Variants in NDUFS1 observed in about 807,000 individuals in gnomAD.
NDUFS1 encodes NADH:ubiquinone oxidoreductase core subunit S1.
Under a neutral mutation model 84.4 loss-of-function variants are expected in NDUFS1, and 61 were observed. The observed-to-expected ratio is 0.72, with a 90% CI of 0.59 to 0.89. The LOEUF (loss-of-function observed/expected upper bound fraction) is 0.89, where lower values mean the gene tolerates loss of function less well. NDUFS1 is among the 40% of genes least tolerant of loss of function. The pLI is 0.00. For synonymous variants in NDUFS1, 275 were observed against 290.0 expected, an observed-to-expected ratio of 0.95 and a Z score of 0.53; for missense variants, 891 against 890.0, an observed-to-expected ratio of 1.00 and a Z score of -0.01.
Position 206,127,683 on chromosome 2 carries a change from A to G in NDUFS1, c.1884+114T>C, listed in dbSNP as rs890656199. 2.6e-6 allele frequency: 3 copies of G among 1,134,076 alleles called. No individual in the cohort carries two copies. In the African/African-American group the frequency reaches 4.6e-5, roughly 17 times the overall value. The allele number at this position is 1,134,076 out of a possible 1,614,324, so 70.3% of individuals were successfully genotyped here. On this transcript the variant is annotated intron_variant, in intron 16 of 18. Transcript: ENST00000233190. ...CATGTTTTCTATAGAAATTATTCAA[A>G]TCATCTCTGCATTTCAGACTGGCAT...
intron 8 of NDUFS1, 42 bp from the exon 9 acceptor site, chr2:206,145,068 TAAAG>T (rs768317191): frequency 1.0e-5 from 16 of 1,540,402 alleles, no homozygotes; most frequent in African/African-American, 2.8e-5. Flanking sequence ...CTTTTGGGAA[TAAAG>T]AAAGTTTCTG....
Position 206,138,630 on chromosome 2 carries a change from C to T in NDUFS1, c.1263-16G>A. The T allele has an allele frequency of 6.2e-7, 1 of 1,613,166 alleles. No homozygotes were observed. Among genetic ancestry groups the T allele is most frequent in the Non-Finnish European group, 8.5e-7 (1 of 1,179,300 alleles). ...ATGCAGCCAGCTGAAATAAAAACAA[C>T]ATTTTAAGAAGTAAATAACTAAGCT... On this transcript the variant is annotated splice_polypyrimidine_tract_variant and intron_variant, in intron 12 of 18. Transcript: ENST00000233190.
At chr2:206,133,301 T>G (rs1475126791) in intron 13 of NDUFS1, among the ~76,000 whole-genome samples, 196 bp from the exon 14 acceptor site, 13 of 152,198 alleles carry the variant, frequency 8.5e-5, no homozygotes. Context: ...AATGCTACTG[T>G]GAAATATGCC....
chr2:206,147,029 A>G lies in NDUFS1; in HGVS notation c.611T>C (p.Met204Thr), dbSNP rs148544177. 3.7e-4 allele frequency: 596 copies of G among 1,614,132 alleles called. 4 individuals carry two copies. In the African/African-American group the frequency reaches 5.1e-3, roughly 14 times the overall value. ...CTTTTCAATGTATGTGCCAACTTGC[A>G]TATCATTTCCTCTGCCTGTTGTTCC... ...DLGTTGRGND[M>T]QVGTYIEKMF... The change falls in exon 8 of 19, where the codon ATG (methionine) becomes ACG (threonine). Residue 204 changes from methionine (M) to threonine (T), a missense_variant. Met to Thr is a moderately conservative substitution (Grantham distance 81). Coordinates refer to ENST00000233190, the MANE Select transcript of NDUFS1 (RefSeq NM_005006.7).
In NDUFS1 at chr2:206,150,023, T is replaced by TTCTATCTATCTATCTA. The variant is rs3217140; in HGVS notation, c.154-114_154-99dup. On this transcript the variant is annotated intron_variant, in intron 3 of 18. Coordinates refer to ENST00000233190, the MANE Select transcript of NDUFS1 (RefSeq NM_005006.7). ...ACACACACATACAGCATCTTATTAC[T>TTCTATCTATCTATCTA]TCTATCTATCTATCTATCTATCTAT... is the stretch of plus-strand genomic sequence containing the variant. The TTCTATCTATCTATCTA allele has an allele frequency of 0.081, 55,693 of 691,328 alleles. 2,999 individuals are homozygous for TTCTATCTATCTATCTA. The highest frequency in any genetic ancestry group is 0.18 in the African/African-American group (9,334 of 52,888). 42.8% of individuals were successfully genotyped at this position (691,328 alleles called of 1,614,324 possible). A position where few individuals can be genotyped will look rare whatever the true frequency, so the allele number is the denominator to read the frequency against.
chr2:206,156,416 A>C (rs924752587), intron 1 of NDUFS1, among the ~76,000 whole-genome samples: 2 of 151,780 alleles, frequency 1.3e-5, no homozygotes, highest in African/African-American at 4.8e-5. Flanking sequence ...CTACCAAAAA[A>C]AAAAAAAAAT....
At position 206,117,923 on chromosome 2, in the gene NDUFS1, A is replaced by T. The variant is rs1690995962; in HGVS notation, c.*6262T>A. 1 of 152,232 alleles carries T rather than the reference A, an allele frequency of 6.6e-6. No individual in the cohort carries two copies. The highest frequency in any genetic ancestry group is 1.5e-5 in the Non-Finnish European group (1 of 68,040). 9.4% of individuals were successfully genotyped at this position (152,232 alleles called of 1,614,324 possible). On this transcript the variant is annotated 3_prime_UTR_variant, in exon 19 of 19. Coordinates refer to ENST00000233190, the MANE Select transcript of NDUFS1 (RefSeq NM_005006.7). ...ATTTTAAGAAGGAAATTAATAAGTT[A>T]TTCATCTCAGTATCTCTTTAGGTGC...
At chr2:206,157,690 C>T (rs1461022047) in intron 1 of NDUFS1, among the ~76,000 whole-genome samples, 2 of 152,208 alleles carry the variant, frequency 1.3e-5, no homozygotes, top group African/African-American at 4.8e-5. Flanking sequence ...TGACATCCAG[C>T]AACAAAGCAT....
chr2:206,115,943 A>G lies in NDUFS1; in HGVS notation c.*8242T>C. On this transcript the variant is annotated 3_prime_UTR_variant, in exon 19 of 19. Coordinates refer to ENST00000233190, the MANE Select transcript of NDUFS1 (RefSeq NM_005006.7). ...ACACATATTATGTTTATCTACAATC[A>G]TTAGAAAGTTAAAAGGCATCTTCTT... The G allele has an allele frequency of 1.5e-6, 1 of 665,078 alleles. No individual in the cohort carries two copies. Among genetic ancestry groups the G allele is most frequent in the South Asian group, 1.7e-5 (1 of 58,800 alleles). 41.2% of individuals were successfully genotyped at this position (665,078 alleles called of 1,614,324 possible). A position where few individuals can be genotyped will look rare whatever the true frequency, so the allele number is the denominator to read the frequency against.
In NDUFS1 at chr2:206,119,917, G is replaced by A. The variant is rs936088942; in HGVS notation, c.*4268C>T. ...TGTTGAAATGTAACCCCCAATGCTG[G>A]AGGTAGGGCCTCGTGGGAGGTATAG... On this transcript the variant is annotated 3_prime_UTR_variant, in exon 19 of 19. Coordinates refer to ENST00000233190, the MANE Select transcript of NDUFS1 (RefSeq NM_005006.7). The A allele has an allele frequency of 6.6e-6, 1 of 152,030 alleles. No individual in the cohort carries two copies. The allele number at this position is 152,030 out of a possible 1,614,324, so 9.4% of individuals were successfully genotyped here.
intron 14 of NDUFS1, among the ~76,000 whole-genome samples, chr2:206,130,821 ATTGCT>A (rs1691483847): frequency 6.6e-6 from 1 of 152,222 alleles, no homozygotes; most frequent in Non-Finnish European, 1.5e-5. Flanking sequence ...GCCAACTGTA[ATTGCT>A]TTAAGTCTGA....
Position 206,138,513 on chromosome 2 carries a change from A to C in NDUFS1, c.1364T>G (p.Ile455Ser). 6.2e-7 allele frequency: 1 copy of C among 1,614,118 alleles called. No individual in the cohort carries two copies. The highest frequency in any genetic ancestry group is 8.5e-7 in the Non-Finnish European group (1 of 1,179,950). Residue 455 changes from isoleucine (I) to serine (S), a missense_variant, in exon 13 of 19, where the codon ATT becomes AGT. Physicochemically the swap from Ile to Ser is moderately radical, Grantham distance 142. Coordinates refer to ENST00000233190, the MANE Select transcript of NDUFS1 (RefSeq NM_005006.7). ...GCTAAATGGATGGCTTCCCGAAGCA[A>C]TGTCTTGAAGAATTTTGGGGGAGTC... ...LGDSPKILQDIASGSHPFSQV... is the reference protein window; with the variant it reads ...LGDSPKILQDSASGSHPFSQV...
At chr2:206,129,621 C>T (rs568778201) in intron 15 of NDUFS1, among the ~76,000 whole-genome samples, 18 of 148,320 alleles carry the variant, frequency 1.2e-4, no homozygotes, top group African/African-American at 4.2e-4. Flanking sequence ...GAGGGAATGT[C>T]ACTCTTATTG....
In NDUFS1 at chr2:206,146,887, A is replaced by G. The variant is rs2105973604; in HGVS notation, c.737+16T>C. The G allele has an allele frequency of 3.7e-6, 6 of 1,610,758 alleles. No homozygotes were observed. The highest frequency in any genetic ancestry group is 5.1e-6 in the Non-Finnish European group (6 of 1,177,150). On this transcript the variant is annotated intron_variant, in intron 8 of 18. Transcript: ENST00000233190. Reference sequence around the variant, plus strand: ...ATTAAGGACAAAAAAACAAATTGTCATAAAATAAAAGATACCTTGTTTCCC... The same window carrying G: ...ATTAAGGACAAAAAAACAAATTGTCGTAAAATAAAAGATACCTTGTTTCCC...
rs977203286 is a variant in NDUFS1 at position 206,121,827 on chromosome 2, A to G, written c.*2358T>C. ...CAGGTAGCCCAAGGATCCTGGATCA[A>G]CTTAGCTATATAGCATCTTTTCTAT... is the stretch of plus-strand genomic sequence containing the variant. On this transcript the variant is annotated 3_prime_UTR_variant, in exon 19 of 19. Transcript: ENST00000233190. 3 of 152,192 alleles carry G rather than the reference A, an allele frequency of 2.0e-5. No individual in the cohort carries two copies. Among genetic ancestry groups the G allele is most frequent in the African/African-American group, 7.2e-5 (3 of 41,458 alleles). The allele number at this position is 152,192 out of a possible 1,614,324, so 9.4% of individuals were successfully genotyped here.
rs745539815 is a variant in NDUFS1 at position 206,126,757 on chromosome 2, C to A, written c.1972G>T (p.Asp658Tyr). 1.2e-6 allele frequency: 2 copies of A among 1,614,180 alleles called. No individual in the cohort carries two copies. The highest frequency in any genetic ancestry group is 4.5e-5 in the East Asian group (2 of 44,868). Reference sequence around the variant, plus strand: ...TGGAAGTAATTAGCCCCTTCAATATCATCATATCGAACAAGATTAGGAGAG... The same window carrying A: ...TGGAAGTAATTAGCCCCTTCAATATAATCATATCGAACAAGATTAGGAGAG... The part of the protein sequence containing the change: ...EVSPNLVRYD[D>Y]IEGANYFQQA... Residue 658 changes from aspartate to tyrosine, a missense_variant, in exon 17 of 19, where the codon GAT becomes TAT. By Grantham distance (160) the Asp-to-Tyr change is radical. Coordinates refer to ENST00000233190, the MANE Select transcript of NDUFS1 (RefSeq NM_005006.7).
chr2:206,139,674 A>G (rs910216643), intron 12 of NDUFS1, among the ~76,000 whole-genome samples: 7 of 152,010 alleles, frequency 4.6e-5, no homozygotes, highest in Non-Finnish European at 7.4e-5. Context: ...CCAAAAAGTC[A>G]TAAGTGCAAT....
Position 206,130,218 on chromosome 2 carries a change from C to CA in NDUFS1, c.1577dup (p.Leu526PhefsTer6), listed in dbSNP as rs1559044973. 1.2e-6 allele frequency: 2 copies of CA among 1,614,184 alleles called. No individual in the cohort carries two copies. Among genetic ancestry groups the CA allele is most frequent in the Admixed American group, 1.7e-5 (1 of 60,022 alleles). On this transcript the variant is annotated frameshift_variant, in exon 15 of 19. Transcript: ENST00000233190. LOFTEE classifies it high-confidence loss of function. The stretch of plus-strand genomic sequence containing the variant: ...CCACCCCAGGCTTATAGCCAAGGTC[C>CA]AAAGCAGCTACTTGACTTGCAATCC...
chr2:206,139,093 G>A lies in NDUFS1; in HGVS notation c.1263-479C>T, dbSNP rs144625688. ...ATCGGGCCACTGCACTCCAGCCTGGGTAACAAGAGCAAAACTCCACCTCAA... is the reference window on the plus strand; with the variant it reads ...ATCGGGCCACTGCACTCCAGCCTGGATAACAAGAGCAAAACTCCACCTCAA... On this transcript the variant is annotated intron_variant, in intron 12 of 18. Transcript: ENST00000233190. Among the ~76,000 whole-genome samples the A allele has an allele frequency of 4.6e-3, 689 of 150,246 alleles. 17 individuals are homozygous for A. In the East Asian group the frequency reaches 0.09, roughly 20 times the overall value.
Sources: gnomAD v4.1 joint callset for allele counts (sites outside exome capture counted in the v4.1 genomes callset) on GRCh38, gnomAD v4.1.1 for gene constraint, MANE v1.5 for transcripts, NCBI Gene and HGNC (gene_info 2026-07-23, HGNC 2026-07-21) for gene names.